Variants in EPB41L5 observed in about 807,000 individuals in gnomAD.
The protein encoded by EPB41L5 is band 4.1-like protein 5.
Under a neutral mutation model 106.6 loss-of-function variants are expected in EPB41L5, and 55 were observed. The observed-to-expected ratio is 0.52, with a 90% CI of 0.42 to 0.65. The LOEUF (loss-of-function observed/expected upper bound fraction) is 0.65, where lower values mean the gene tolerates loss of function less well. Ranked by LOEUF, EPB41L5 falls within the 30% of genes least tolerant of loss-of-function variation. EPB41L5 has a pLI of 0.00. For missense variants in EPB41L5, 871 were observed against 882.1 expected, an observed-to-expected ratio of 0.99 and a Z score of 0.16; for synonymous variants, 297 against 306.7, an observed-to-expected ratio of 0.97 and a Z score of 0.33.
intron 10 of EPB41L5, among the ~76,000 whole-genome samples, chr2:120,086,955 G>T (rs958844324): frequency 5.9e-5 from 9 of 152,048 alleles, no homozygotes; most frequent in African/African-American, 1.9e-4. Context: ...TGTCTGATAT[G>T]TGCAACCTCA....
intron 2 of EPB41L5, among the ~76,000 whole-genome samples, chr2:120,040,554 A>C (rs1045636352): frequency 1.3e-5 from 2 of 152,238 alleles, no homozygotes; most frequent in African/African-American, 4.8e-5. Context: ...CACATGGGAA[A>C]CATTTTTGGA....
intron 3 of EPB41L5, among the ~76,000 whole-genome samples, chr2:120,045,027 C>G (rs1013725331): frequency 9.2e-5 from 14 of 152,178 alleles, no homozygotes; most frequent in African/African-American, 3.4e-4. Context: ...TGGCCATATT[C>G]AACCTCAGAA....
chr2:120,114,433 T>C (rs769866386), intron 16 of EPB41L5, among the ~76,000 whole-genome samples: 40 of 152,204 alleles, frequency 2.6e-4, no homozygotes, highest in Non-Finnish European at 4.7e-4. Flanking sequence ...GTTAGATGAT[T>C]TTGTCAAACT....
At chr2:120,129,799 T>G (rs909081166) in intron 17 of EPB41L5, among the ~76,000 whole-genome samples, 4 of 152,158 alleles carry the variant, frequency 2.6e-5, no homozygotes, top group African/African-American at 9.7e-5. Flanking sequence ...TATGGGGAAA[T>G]AGACTGTACA....
intron 16 of EPB41L5, among the ~76,000 whole-genome samples, chr2:120,110,421 CTA>C (rs560648049): frequency 3.3e-4 from 50 of 152,318 alleles, no homozygotes; most frequent in Non-Finnish European, 6.6e-4. Context: ...TAAATGCTAT[CTA>C]TACACACTGG....
intron 3 of EPB41L5, among the ~76,000 whole-genome samples, chr2:120,071,233 G>C (rs529814134): frequency 6.6e-6 from 1 of 152,244 alleles, no homozygotes; most frequent in East Asian, 1.9e-4. Flanking sequence ...ATTCACAATT[G>C]CTACAAAGAG....
chr2:120,081,031 T>G (rs1682617113), intron 10 of EPB41L5, among the ~76,000 whole-genome samples: 1 of 152,320 alleles, frequency 6.6e-6, no homozygotes, highest in African/African-American at 2.4e-5. Context: ...ATGGGTAGAT[T>G]GCAAAACTTT....
At chr2:120,051,978 C>G (rs753834995) in intron 3 of EPB41L5, among the ~76,000 whole-genome samples, 12 of 152,106 alleles carry the variant, frequency 7.9e-5, no homozygotes, top group Non-Finnish European at 1.2e-4. Flanking sequence ...AGGTGCACAC[C>G]ACCGTGCCTG....
chr2:120,165,613 A>G (rs1199058503), intron 22 of EPB41L5, among the ~76,000 whole-genome samples: 1 of 152,152 alleles, frequency 6.6e-6, no homozygotes, highest in African/African-American at 2.4e-5. Flanking sequence ...CAGATGCACA[A>G]CTCATGGATA....
intron 19 of EPB41L5, among the ~76,000 whole-genome samples, chr2:120,145,522 A>C (rs1210520933): frequency 6.6e-6 from 1 of 152,048 alleles, no homozygotes; most frequent in African/African-American, 2.4e-5. Flanking sequence ...TTTTCATGGG[A>C]TTATGTGGGA....
chr2:120,174,996 T>C lies in EPB41L5; in HGVS notation c.*89T>C. 1 of 1,266,876 alleles carries C rather than the reference T, an allele frequency of 7.9e-7. No individual in the cohort carries two copies. Among genetic ancestry groups the C allele is most frequent in the South Asian group, 1.2e-5 (1 of 83,890 alleles). 78.5% of individuals were successfully genotyped at this position (1,266,876 alleles called of 1,614,324 possible). A position where few individuals can be genotyped will look rare whatever the true frequency, so the allele number is the denominator to read the frequency against. ...ATGTTGGATTCAGGAGCTTGTCCAT[T>C]ATTTGTAGGTAAAAAAAGCTGCACG... On this transcript the variant is annotated 3_prime_UTR_variant, in exon 25 of 25. Transcript: ENST00000263713.
intron 10 of EPB41L5, among the ~76,000 whole-genome samples, chr2:120,085,109 G>A (rs4349351): frequency 0.68 from 103,294 of 151,960 alleles, 36,913 homozygotes; most frequent in Non-Finnish European, 0.79. Context: ...ATCATCTGAA[G>A]CCTTCTCTCA....
intron 18 of EPB41L5, among the ~76,000 whole-genome samples, chr2:120,138,621 T>G (rs955663832): frequency 6.6e-6 from 1 of 151,794 alleles, no homozygotes; most frequent in Non-Finnish European, 1.5e-5. Context: ...AGAATAAAAA[T>G]AATCAAAGAA....
At chr2:120,018,271 C>T (rs1250602077) in intron 1 of EPB41L5, among the ~76,000 whole-genome samples, 8 of 152,012 alleles carry the variant, frequency 5.3e-5, no homozygotes, top group Non-Finnish European at 1.0e-4. Flanking sequence ...CCGGCCACTT[C>T]TCAGAATTTT....
At chr2:120,044,436 C>T (rs545114356) in intron 3 of EPB41L5, among the ~76,000 whole-genome samples, 3 of 152,254 alleles carry the variant, frequency 2.0e-5, no homozygotes, top group African/African-American at 7.2e-5. Context: ...ATTTTAATAT[C>T]ATTCAGCTTT....
chr2:120,069,167 A>T (rs1245593798), intron 3 of EPB41L5, among the ~76,000 whole-genome samples: 1 of 135,466 alleles, frequency 7.4e-6, no homozygotes, highest in Admixed American at 7.6e-5. Flanking sequence ...AAAAAAAAAA[A>T]GCAGGGGTTG....
intron 7 of EPB41L5, 40 bp downstream of exon 7, chr2:120,075,793 A>G: frequency 4.0e-6 from 6 of 1,489,280 alleles, no homozygotes; most frequent in Non-Finnish European, 3.7e-6. Flanking sequence ...CTCAAGTATA[A>G]TCTTTTTTGT....
intron 20 of EPB41L5, among the ~76,000 whole-genome samples, chr2:120,150,318 T>TTTATTTTA (rs1221774186): frequency 6.6e-6 from 1 of 151,994 alleles, no homozygotes; most frequent in Non-Finnish European, 1.5e-5. Context: ...TTGCTCATTT[T>TTTATTTTA]TTATTTTATT....
chr2:120,105,545 A>G lies in EPB41L5; in HGVS notation c.1337+4731A>G, dbSNP rs938674524. The G allele has an allele frequency of 2.8e-5, 28 of 985,180 alleles. No homozygotes were observed. In the African/African-American group the frequency reaches 4.7e-4, roughly 17 times the overall value. 61.0% of individuals were successfully genotyped at this position (985,180 alleles called of 1,614,324 possible). A position where few individuals can be genotyped will look rare whatever the true frequency, so the allele number is the denominator to read the frequency against. On this transcript the variant is annotated intron_variant, in intron 16 of 24. Coordinates refer to ENST00000263713, the MANE Select transcript of EPB41L5 (RefSeq NM_020909.4). ...CAGTTTGTCCATAGAAGACCTAAAT[A>G]AGCAGAACTGACTAATATTTAAAGA...
Sources: gnomAD v4.1 joint callset for allele counts (sites outside exome capture counted in the v4.1 genomes callset) on GRCh38, gnomAD v4.1.1 for gene constraint, MANE v1.5 for transcripts, NCBI Gene and HGNC (gene_info 2026-07-23, HGNC 2026-07-21) for gene names.